Variants in PTPRS observed in about 807,000 individuals in gnomAD.
PTPRS encodes receptor-type tyrosine-protein phosphatase S.
In PTPRS, 63 loss-of-function variants were observed where a neutral mutation model predicts 215.3. That is an observed-to-expected ratio of 0.29 (90% CI 0.24 to 0.36). The LOEUF is 0.36. Among genes scored for constraint, PTPRS ranks in the 10% least tolerant of loss-of-function variants. The pLI, the probability that PTPRS is intolerant of heterozygous loss-of-function variation, is 1.00. For missense variants in PTPRS, 2,258 were observed against 2,825.8 expected (o/e 0.80, Z 4.56); for synonymous variants, 1,404 against 1,191.4 (o/e 1.18, Z -3.68).
intron 16 of PTPRS, among the ~76,000 whole-genome samples, chr19:5,227,911 T>A (rs2042645818): frequency 6.6e-6 from 1 of 152,108 alleles, no homozygotes; most frequent in Non-Finnish European, 1.5e-5. Context: ...CAGCATCATG[T>A]GTGCCCATGT....
chr19:5,252,873 C>CAAA (rs769636796), intron 9 of PTPRS, among the ~76,000 whole-genome samples: 39 of 45,548 alleles, frequency 8.6e-4, no homozygotes, highest in African/African-American at 2.2e-3. Flanking sequence ...AACTCCATCT[C>CAAA]AAAAAAAAAA....
At chr19:5,296,742 G>A (rs2049148108) in intron 1 of PTPRS, among the ~76,000 whole-genome samples, 1 of 150,642 alleles carries the variant, frequency 6.6e-6, no homozygotes, top group Admixed American at 6.6e-5. Context: ...GGGAGGGAAG[G>A]AATGGGGACA....
At position 5,225,752 on chromosome 19, in the gene PTPRS, G is replaced by A. The variant is rs199866846; in HGVS notation, c.2469C>T (p.Pro823=). 6.2e-7 allele frequency: 1 copy of A among 1,614,056 alleles called. No homozygotes were observed. Among genetic ancestry groups the A allele is most frequent in the East Asian group, 2.2e-5 (1 of 44,874 alleles). The stretch of plus-strand genomic sequence containing the variant: ...CTGCTCCCTTGGTCACAACCACCTT[G>A]GGTTTGCTGCGAGCGCCATCGCCCT... ...TMKGDGARSK[P]KVVVTKGAVL... Residue 823 remains proline, a synonymous_variant, in exon 17 of 38, where the codon CCC becomes CCT. Coordinates refer to ENST00000262963, the MANE Select transcript of PTPRS (RefSeq NM_002850.4).
chr19:5,320,873 GC>G (rs921221212), intron 1 of PTPRS, among the ~76,000 whole-genome samples: 7 of 152,142 alleles, frequency 4.6e-5, no homozygotes, highest in African/African-American at 1.7e-4. Flanking sequence ...GGAAACTGAG[GC>G]CCAGAGAGGT....
At position 5,258,048 on chromosome 19, in the gene PTPRS, G is replaced by T; in HGVS notation, c.675C>A (p.Arg225=). 6.2e-7 allele frequency: 1 copy of T among 1,614,166 alleles called. No individual in the cohort carries two copies. The highest frequency in any genetic ancestry group is 8.5e-7 in the Non-Finnish European group (1 of 1,180,010). ...ECVATNSAGV[R]YSSPANLYVR... is the part of the protein sequence containing the mutation. ...CGTAGAGGTTGGCAGGTGAGGAGTA[G>T]CGCACGCCGGCGCTGTTGGTGGCCA... The change falls in exon 8 of 38, where the codon CGC becomes CGA. Residue 225 remains arginine, a synonymous_variant. Coordinates refer to ENST00000262963, the MANE Select transcript of PTPRS (RefSeq NM_002850.4).
intron 1 of PTPRS, among the ~76,000 whole-genome samples, chr19:5,316,317 T>C (rs1460912822): frequency 6.6e-6 from 1 of 152,242 alleles, no homozygotes; most frequent in East Asian, 1.9e-4. Context: ...TCATGTTTCC[T>C]GAAAAGTCCT....
At chr19:5,301,609 C>A (rs1755895114) in intron 1 of PTPRS, among the ~76,000 whole-genome samples, 1 of 151,970 alleles carries the variant, frequency 6.6e-6, no homozygotes, top group Non-Finnish European at 1.5e-5. Flanking sequence ...AGCCTCCACA[C>A]CTGGCTGTAA....
In PTPRS at chr19:5,213,098, C is replaced by T. The variant is rs2041077400; in HGVS notation, c.4615-607G>A. 2.0e-5 allele frequency among the ~76,000 whole-genome samples: 3 copies of T among 152,206 alleles called. No individual in the cohort carries two copies. In the South Asian group the frequency reaches 6.2e-4, roughly 32 times the overall value. ...CCCCTCTCACATCCAACACCTCACC[C>T]GGGACTGTCGGCTCTGCCTTCAAAG... is the stretch of plus-strand genomic sequence containing the variant. On this transcript the variant is annotated intron_variant, in intron 30 of 37. Transcript: ENST00000262963.
intron 1 of PTPRS, among the ~76,000 whole-genome samples, chr19:5,340,154 GCTCCT>G (rs571820528): frequency 1.2e-4 from 18 of 151,600 alleles, no homozygotes; most frequent in African/African-American, 4.1e-4. Context: ...ACCCGTCCCG[GCTCCT>G]CTCCGCTCCG....
chr19:5,246,995 G>A (rs1355399860), intron 9 of PTPRS, among the ~76,000 whole-genome samples: 3 of 151,662 alleles, frequency 2.0e-5, no homozygotes, highest in East Asian at 1.9e-4. Context: ...GCACACTTAC[G>A]TGACACCAGA....
chr19:5,334,225 G>A lies in PTPRS; in HGVS notation c.-95+6439C>T, dbSNP rs189371793. ...GTCATCCTGACATCTCCCTGGTGCTGGACCCCATCGGGGGGCTGAGGGCGG... is the reference window on the plus strand; with the variant it reads ...GTCATCCTGACATCTCCCTGGTGCTAGACCCCATCGGGGGGCTGAGGGCGG... On this transcript the variant is annotated intron_variant, in intron 1 of 37. Transcript: ENST00000262963. 2.3e-3 allele frequency among the ~76,000 whole-genome samples: 358 copies of A among 152,388 alleles called. 2 individuals carry two copies. Among genetic ancestry groups the A allele is most frequent in the African/African-American group, 8.0e-3 (331 of 41,598 alleles).
At chr19:5,211,803 G>A (rs2040915767) in intron 32 of PTPRS, 35 bp from the exon 33 acceptor site, 3 of 1,604,724 alleles carry the variant, frequency 1.9e-6, no homozygotes, top group East Asian at 2.2e-5. Flanking sequence ...CCACCATCAG[G>A]ATGAGGAAGG....
Position 5,243,915 on chromosome 19 carries a change from T to C in PTPRS, c.1556A>G (p.Lys519Arg). ...CCACGCCTCACCTCCCTGCTGCGTC[T>C]TGACCTGGATGGGGTCCGAGAGGGG... ...DGPLSDPIQV[K>R]TQQGVPGQPM... The change falls in exon 11 of 38, where the codon AAG becomes AGG. Residue 519 changes from lysine (K) to arginine (R), a missense_variant. By Grantham distance (26) the Lys-to-Arg change is conservative. Transcript: ENST00000262963. The C allele has an allele frequency of 6.5e-7, 1 of 1,537,576 alleles. No individual in the cohort carries two copies. Among genetic ancestry groups the C allele is most frequent in the East Asian group, 2.3e-5 (1 of 42,958 alleles).
intron 17 of PTPRS, among the ~76,000 whole-genome samples, chr19:5,223,538 A>G (rs1373055451): frequency 6.8e-6 from 1 of 146,246 alleles, no homozygotes; most frequent in Non-Finnish European, 1.5e-5. Flanking sequence ...TTATAAGGCC[A>G]CTGCACCCAG....
intron 35 of PTPRS, among the ~76,000 whole-genome samples, chr19:5,208,736 G>C (rs2040598768): frequency 6.6e-6 from 1 of 152,002 alleles, no homozygotes; most frequent in South Asian, 2.1e-4. Flanking sequence ...TTCCATAAGA[G>C]ATGCTCCAAC....
rs2041010372 is a variant in PTPRS at position 5,212,589 on chromosome 19, A to T, written c.4615-98T>A. On this transcript the variant is annotated intron_variant, in intron 30 of 37. Transcript: ENST00000262963. Reference sequence around the variant, plus strand: ...CCGGGTGTGGTGGCTCATGCCTGTTATCCCAGCACTTTGGGAGGCCGAGGT... The same window carrying T: ...CCGGGTGTGGTGGCTCATGCCTGTTTTCCCAGCACTTTGGGAGGCCGAGGT... 8.4e-6 allele frequency: 12 copies of T among 1,424,194 alleles called. No individual in the cohort carries two copies. The Admixed American group carries it at 2.5e-4, about 30-fold the overall frequency. The allele number at this position is 1,424,194 out of a possible 1,614,324, so 88.2% of individuals were successfully genotyped here.
rs576060768 is a variant in PTPRS, at chr19:5,310,451, G to C, written c.-94-24217C>G. Among the ~76,000 whole-genome samples, 219 of 151,014 alleles carry C rather than the reference G, an allele frequency of 1.5e-3. 1 individual carries two copies. The highest frequency in any genetic ancestry group is 4.7e-3 in the African/African-American group (195 of 41,124). On this transcript the variant is annotated intron_variant, in intron 1 of 37. Coordinates refer to ENST00000262963, the MANE Select transcript of PTPRS (RefSeq NM_002850.4). ...TCCTGCCTCAGCCTACCGAGTAGCT[G>C]GGATTACAGGCGCCCACCACCATAC...
At chr19:5,317,733 G>A (rs1400052215) in intron 1 of PTPRS, among the ~76,000 whole-genome samples, 1 of 152,144 alleles carries the variant, frequency 6.6e-6, no homozygotes, top group East Asian at 1.9e-4. Context: ...GGTGGGGTGT[G>A]TGGCCCACCT....
chr19:5,272,307 ATGCATTTAGGC>A (rs1211910428), intron 4 of PTPRS, among the ~76,000 whole-genome samples: 6 of 152,128 alleles, frequency 3.9e-5, no homozygotes, highest in African/African-American at 1.4e-4. Context: ...TGTTCAAGAA[ATGCATTTAGGC>A]TGCATGCAGT....
Sources: allele counts gnomAD v4.1 joint callset (sites outside exome capture counted in the v4.1 genomes callset), GRCh38; gene constraint gnomAD v4.1.1; transcripts MANE v1.5; gene names NCBI Gene and HGNC (gene_info 2026-07-23, HGNC 2026-07-21).